MRPL46: variants seen among roughly 807,000 people sequenced by gnomAD.
MRPL46 encodes the protein mitochondrial ribosomal protein L46, also known as large ribosomal subunit protein mL46.
Under a neutral mutation model 31.0 loss-of-function variants are expected in MRPL46, and 26 were observed. The ratio of observed to expected loss-of-function variants is 0.84; its 90% confidence interval spans 0.61 to 1.16. The LOEUF is 1.16. Ranked by LOEUF, MRPL46 falls within the 50% of genes most tolerant of loss-of-function variation. The pLI, the probability that MRPL46 is intolerant of heterozygous loss-of-function variation, is 0.00. For missense variants in MRPL46, 395 were observed against 340.0 expected, an observed-to-expected ratio of 1.16 and a Z score of -1.27; for synonymous variants, 159 against 141.3, an observed-to-expected ratio of 1.13 and a Z score of -0.89.
At position 88,459,849 on chromosome 15, in the gene MRPL46, C is replaced by A; in HGVS notation, c.604G>T (p.Ala202Ser). The A allele has an allele frequency of 6.2e-7, 1 of 1,614,122 alleles. No individual in the cohort carries two copies. The highest frequency in any genetic ancestry group is 8.5e-7 in the Non-Finnish European group (1 of 1,179,990). The change falls in exon 4 of 4, where the codon GCC becomes TCC. Residue 202 changes from alanine (A) to serine (S), a missense_variant. Ala to Ser is a moderately conservative substitution (Grantham distance 99). Coordinates refer to ENST00000312475, the MANE Select transcript of MRPL46 (RefSeq NM_022163.4). ...CAGGGTGCATTTCCTAGGAACTTGG[C>A]TTCCATGTTGTTTTCTGAAGAGGGA... is the stretch of plus-strand genomic sequence containing the variant. Reference protein sequence around the residue: ...LATLSENNMEAKFLGNAPCGH... With the variant: ...LATLSENNMESKFLGNAPCGH...
chr15:88,460,738 G>A (rs533761357), intron 3 of MRPL46: 13 of 152,154 alleles, frequency 8.5e-5, no homozygotes, highest in African/African-American at 3.1e-4. Context: ...AATCTTCTCT[G>A]TATTTTTTTT....
chr15:88,466,413 C>T (rs1222669135), intron 1 of MRPL46, among the ~76,000 whole-genome samples: 2 of 152,114 alleles, frequency 1.3e-5, no homozygotes, highest in Non-Finnish European at 2.9e-5. Context: ...CTGACTGATC[C>T]CCTCACTCAA....
chr15:88,464,688 A>G lies in MRPL46; in HGVS notation c.589+15T>C. 6.2e-7 allele frequency: 1 copy of G among 1,612,706 alleles called. No individual in the cohort carries two copies. The highest frequency in any genetic ancestry group is 8.5e-7 in the Non-Finnish European group (1 of 1,179,504). ...AGTGAATTTTGTGGAATTTAGAGGA[A>G]GGCAGAAAACCCACCTGAGAGTGTG... On this transcript the variant is annotated intron_variant, in intron 3 of 3. Transcript: ENST00000312475.
At position 88,465,595 on chromosome 15, in the gene MRPL46, C is replaced by T. The variant is rs755678536; in HGVS notation, c.407G>A (p.Arg136His). Residue 136 changes from arginine to histidine, a missense_variant, in exon 2 of 4, where the codon CGC becomes CAC. By Grantham distance (29) the Arg-to-His change is conservative (BLOSUM62 0). Transcript: ENST00000312475. Reference protein sequence around the residue: ...QKFLQFKLGARITEADEKNDR... With the variant: ...QKFLQFKLGAHITEADEKNDR... ...CCTAAAAGGATCACAACCTGTTATGCGAGCTCCAAGTTTGAACTGTAGAAA... is the reference window on the plus strand; with the variant it reads ...CCTAAAAGGATCACAACCTGTTATGTGAGCTCCAAGTTTGAACTGTAGAAA... 3.1e-6 allele frequency: 5 copies of T among 1,601,922 alleles called. No homozygotes were observed. Among genetic ancestry groups the T allele is most frequent in the East Asian group, 4.5e-5 (2 of 44,526 alleles).
At position 88,463,707 on chromosome 15, in the gene MRPL46, C is replaced by T. The variant is rs2055496679; in HGVS notation, c.589+996G>A. 1 of 152,166 alleles carries T rather than the reference C, an allele frequency of 6.6e-6. No individual in the cohort carries two copies. Among genetic ancestry groups the T allele is most frequent in the Non-Finnish European group, 1.5e-5 (1 of 68,034 alleles). 9.4% of individuals were successfully genotyped at this position (152,166 alleles called of 1,614,324 possible). On this transcript the variant is annotated intron_variant, in intron 3 of 3. Coordinates refer to ENST00000312475, the MANE Select transcript of MRPL46 (RefSeq NM_022163.4). The surrounding 1 kb of genome is among the most constrained non-coding windows in gnomAD (Gnocchi z 5.4). Reference sequence around the variant, plus strand: ...AGGAGTAAAGTATTTCATCAGGGACCAGCAGGCCCCAAAGCAGAGACACAT... The same window carrying T: ...AGGAGTAAAGTATTTCATCAGGGACTAGCAGGCCCCAAAGCAGAGACACAT...
At chr15:88,461,344 G>C (rs1173613599) in intron 3 of MRPL46, 1 of 151,994 alleles carries the variant, frequency 6.6e-6, no homozygotes, top group Non-Finnish European at 1.5e-5. Flanking sequence ...TTGAGAATAG[G>C]AGTTTAAGGC....
In MRPL46 at chr15:88,467,183, T is replaced by C. The variant is rs758357369; in HGVS notation, c.195A>G (p.Pro65=). ...RPPVVSKPLT[P]LQEEMASLLQ... The stretch of plus-strand genomic sequence containing the variant: ...GTAGAGACGCCATCTCTTCCTGCAA[T>C]GGGGTCAACGGCTTGGAGACTACAG... Residue 65 remains proline (P), a synonymous_variant, in exon 1 of 4, where the codon CCA becomes CCG. Transcript: ENST00000312475. 2 of 1,613,930 alleles carry C rather than the reference T, an allele frequency of 1.2e-6. No individual in the cohort carries two copies. The highest frequency in any genetic ancestry group is 1.1e-5 in the South Asian group (1 of 91,084).
Position 88,464,723 on chromosome 15 carries a change from C to T in MRPL46, c.569G>A (p.Arg190Gln), listed in dbSNP as rs186797200. ...CCCACCTGAGAGTGTGGCCAGGGTT[C>T]GTTCAGCTGTTCCTCGAAGGGTCTC... ...PGETLRGTAE[R>Q]TLATLSENNM... The change falls in exon 3 of 4, where the codon CGA (arginine) becomes CAA (glutamine). Residue 190 changes from arginine (R) to glutamine (Q), a missense_variant. Physicochemically the swap from Arg to Gln is conservative, Grantham distance 43. Transcript: ENST00000312475. 5 of 1,612,718 alleles carry T rather than the reference C, an allele frequency of 3.1e-6. No homozygotes were observed. Among genetic ancestry groups the T allele is most frequent in the Middle Eastern group, 1.7e-4 (1 of 6,060 alleles).
chr15:88,460,229 G>A (rs1012354562), intron 3 of MRPL46: 29 of 231,544 alleles, frequency 1.3e-4, no homozygotes, highest in East Asian at 1.1e-4. Context: ...CAGCCCAGTC[G>A]CTATCTGCTG....
At chr15:88,464,581 C>A in intron 3 of MRPL46, 122 bp downstream of exon 3, 1 of 1,078,158 alleles carries the variant, frequency 9.3e-7, no homozygotes, top group Non-Finnish European at 1.3e-6. Flanking sequence ...TTTTTATAAA[C>A]TTCAAAATTT....
intron 1 of MRPL46, among the ~76,000 whole-genome samples, chr15:88,466,060 A>C (rs1174996969): frequency 6.6e-6 from 1 of 152,182 alleles, no homozygotes; most frequent in Non-Finnish European, 1.5e-5. Flanking sequence ...CTGCTGACTC[A>C]CCACAATCCA....
At chr15:88,460,440 A>C (rs552774651) in intron 3 of MRPL46, 1 of 154,544 alleles carries the variant, frequency 6.5e-6, no homozygotes, top group South Asian at 2.0e-4. Context: ...AAAAGGCATA[A>C]ACCAAGTTAA....
chr15:88,466,446 C>T (rs1267032723), intron 1 of MRPL46, among the ~76,000 whole-genome samples: 1 of 152,204 alleles, frequency 6.6e-6, no homozygotes, highest in South Asian at 2.1e-4. Flanking sequence ...ACTCTGAGAA[C>T]CAGAGCTACT....
rs1486972131 is a variant in MRPL46 at position 88,467,214 on chromosome 15, C to T, written c.164G>A (p.Arg55Gln). ...CAACGGCTTGGAGACTACAGGTGGC[C>T]GCTGCAGGCACAACGCGCCCAACAA... Reference protein sequence around the residue: ...WRLLGALCLQRPPVVSKPLTP... With the variant: ...WRLLGALCLQQPPVVSKPLTP... Residue 55 changes from arginine (R) to glutamine (Q), a missense_variant, in exon 1 of 4, where the codon CGG becomes CAG. By Grantham distance (43) the Arg-to-Gln change is conservative. Transcript: ENST00000312475. 16 of 1,614,120 alleles carry T rather than the reference C, an allele frequency of 9.9e-6. No individual in the cohort carries two copies. Among genetic ancestry groups the T allele is most frequent in the Non-Finnish European group, 1.3e-5 (15 of 1,180,020 alleles).
Position 88,467,385 on chromosome 15 carries a change from T to C in MRPL46, c.-8A>G, listed in dbSNP as rs888950942. 2 of 1,558,632 alleles carry C rather than the reference T, an allele frequency of 1.3e-6. No individual in the cohort carries two copies. Among genetic ancestry groups the C allele is most frequent in the Admixed American group, 1.9e-5 (1 of 53,238 alleles). ...CCTTACGGGCGCCGCCATCTTTCGTTCTCCCACAATGCACCGCGGCTCCCA... is the reference window on the plus strand; with the variant it reads ...CCTTACGGGCGCCGCCATCTTTCGTCCTCCCACAATGCACCGCGGCTCCCA... On this transcript the variant is annotated 5_prime_UTR_variant, in exon 1 of 4. Coordinates refer to ENST00000312475, the MANE Select transcript of MRPL46 (RefSeq NM_022163.4).
In MRPL46 at chr15:88,460,125, T is replaced by A. The variant is rs2055464136; in HGVS notation, c.590-262A>T. 5 of 473,422 alleles carry A rather than the reference T, an allele frequency of 1.1e-5. No homozygotes were observed. The South Asian group carries it at 1.2e-4, about 12-fold the overall frequency. The allele number at this position is 473,422 out of a possible 1,614,324, so 29.3% of individuals were successfully genotyped here. A position where few individuals can be genotyped will look rare whatever the true frequency, so the allele number is the denominator to read the frequency against. On this transcript the variant is annotated intron_variant, in intron 3 of 3. Transcript: ENST00000312475. Reference sequence around the variant, plus strand: ...TTTAGACTGAAAGTCAGCAACACAGTTACAATCACACCTGGGAGTCAGAGC... The same window carrying A: ...TTTAGACTGAAAGTCAGCAACACAGATACAATCACACCTGGGAGTCAGAGC...
chr15:88,467,346 C>A lies in MRPL46; in HGVS notation c.32G>T (p.Gly11Val), dbSNP rs568047810. The change falls in exon 1 of 4, where the codon GGG becomes GTG. Residue 11 changes from glycine to valine, a missense_variant. Gly to Val is a moderately radical substitution (Grantham distance 109, BLOSUM62 -3). Transcript: ENST00000312475. ...GAACCGCCGCCAACCCCCCGCCACC[C>A]CTAACAGCGTCCGCCTTACGGGCGC... MAAPVRRTLL[G>V]VAGGWRRFER... is the part of the protein sequence containing the mutation. The A allele has an allele frequency of 3.1e-6, 5 of 1,597,970 alleles. No individual in the cohort carries two copies. In the East Asian group the frequency reaches 1.1e-4, roughly 37 times the overall value.
chr15:88,464,702 C>T lies in MRPL46; in HGVS notation c.589+1G>A. 1 of 1,611,202 alleles carries T rather than the reference C, an allele frequency of 6.2e-7. No individual in the cohort carries two copies. Among genetic ancestry groups the T allele is most frequent in the Non-Finnish European group, 8.5e-7 (1 of 1,178,488 alleles). Reference sequence around the variant, plus strand: ...AATTTAGAGGAAGGCAGAAAACCCACCTGAGAGTGTGGCCAGGGTTCGTTC... The same window carrying T: ...AATTTAGAGGAAGGCAGAAAACCCATCTGAGAGTGTGGCCAGGGTTCGTTC... On this transcript the variant is annotated splice_donor_variant, in intron 3 of 3. Coordinates refer to ENST00000312475, the MANE Select transcript of MRPL46 (RefSeq NM_022163.4). LOFTEE classifies it high-confidence loss of function.
chr15:88,460,956 G>A (rs78550282), intron 3 of MRPL46: 2 of 152,126 alleles, frequency 1.3e-5, no homozygotes, highest in Non-Finnish European at 2.9e-5. Flanking sequence ...GGTCAGGCTG[G>A]TCTTGAACTT....
Sources: gnomAD v4.1 joint callset for allele counts (sites outside exome capture counted in the v4.1 genomes callset) on GRCh38, gnomAD v4.1.1 for gene constraint, Gnocchi (gnomAD v3.1) non-coding constraint, MANE v1.5 for transcripts, NCBI Gene and HGNC (gene_info 2026-07-23, HGNC 2026-07-21) for gene names.